The following FREM2 variants were observed in gnomAD, a reference collection of about 807,000 sequenced individuals.
FREM2 encodes the protein FRAS1-related extracellular matrix protein 2.
Under a neutral mutation model 219.9 loss-of-function variants are expected in FREM2, and 119 were observed. That is an observed-to-expected ratio of 0.54 (90% CI 0.47 to 0.63). FREM2 has a LOEUF of 0.63. Among genes scored for constraint, FREM2 ranks in the 30% least tolerant of loss-of-function variants. The probability of loss-of-function intolerance (pLI) is 0.00; values close to 1 mark genes in which losing one functional copy is unlikely to be tolerated. For synonymous variants in FREM2, 1,562 were observed against 1,522.8 expected, an observed-to-expected ratio of 1.03 and a Z score of -0.60; for missense variants, 4,030 against 3,993.6, an observed-to-expected ratio of 1.01 and a Z score of -0.25.
In FREM2 at chr13:38,688,395, C is replaced by T; in HGVS notation, c.1051C>T (p.Pro351Ser). The change falls in exon 1 of 24, where the codon CCC (proline) becomes TCC (serine). Residue 351 changes from proline (P) to serine (S), a missense_variant. This residue lies in a region of FREM2 where 3,102 missense variants were observed against 2,950.7 expected (regional missense o/e 1.05). Transcript: ENST00000280481. ...GCTGGCAGCCGAGGATGCTGAGTCTCCCTCTGACCTGTTGATCTTCAACCT... is the reference window on the plus strand; with the variant it reads ...GCTGGCAGCCGAGGATGCTGAGTCTTCCTCTGACCTGTTGATCTTCAACCT... ...DMLAAEDAESPSDLLIFNLTS... is the reference protein window; with the variant it reads ...DMLAAEDAESSSDLLIFNLTS... The T allele has an allele frequency of 8.7e-6, 14 of 1,613,958 alleles. No homozygotes were observed. The highest frequency in any genetic ancestry group is 1.2e-5 in the Non-Finnish European group (14 of 1,179,872).
chr13:38,821,107 A>G (rs994794689), intron 6 of FREM2, among the ~76,000 whole-genome samples: 2 of 152,096 alleles, frequency 1.3e-5, no homozygotes, highest in African/African-American at 4.8e-5. Flanking sequence ...TGGTGTCCCT[A>G]TGTTCTCTGT....
At chr13:38,696,445 ACTTACTAGAG>A (rs1385245296) in intron 1 of FREM2, among the ~76,000 whole-genome samples, 1 of 152,188 alleles carries the variant, frequency 6.6e-6, no homozygotes, top group Non-Finnish European at 1.5e-5. Flanking sequence ...CATAGCATGA[ACTTACTAGAG>A]CTTTTAGGAG....
chr13:38,795,979 CTTTCTTTCTTTCTTTCTTT>C lies in FREM2; in HGVS notation c.6019+11194_6019+11212del, dbSNP rs758379925. 7.6e-3 allele frequency among the ~76,000 whole-genome samples: 1,151 copies of C among 151,980 alleles called. 10 individuals are homozygous for C. Among genetic ancestry groups the C allele is most frequent in the Non-Finnish European group, 0.01 (708 of 67,926 alleles). On this transcript the variant is annotated intron_variant, in intron 6 of 23. Coordinates refer to ENST00000280481, the MANE Select transcript of FREM2 (RefSeq NM_207361.6). ...CCTTGTGTGTATACACGATAGTTTT[CTTTCTTTCTTTCTTTCTTT>C]TTTCTTTCTTTCTTTCTTTTTTTGT... is the stretch of plus-strand genomic sequence containing the variant.
At chr13:38,783,473 TAA>T (rs141521145) in intron 5 of FREM2, among the ~76,000 whole-genome samples, 7,150 of 123,994 alleles carry the variant, frequency 0.058, 284 homozygotes, top group African/African-American at 0.17. Flanking sequence ...GGTTACTATA[TAA>T]AAAAAAAAAA....
intron 2 of FREM2, among the ~76,000 whole-genome samples, chr13:38,714,763 A>C (rs1040171746): frequency 6.6e-6 from 1 of 152,118 alleles, no homozygotes; most frequent in African/African-American, 2.4e-5. Context: ...TGTAGTTTTT[A>C]GTTAAAAAAA....
intron 2 of FREM2, among the ~76,000 whole-genome samples, chr13:38,708,451 C>T (rs963300427): frequency 6.6e-6 from 1 of 152,024 alleles, no homozygotes; most frequent in Non-Finnish European, 1.5e-5. Context: ...GTCAGGGGTT[C>T]GAGACCAGCC....
chr13:38,738,612 A>T (rs563547225), intron 2 of FREM2, among the ~76,000 whole-genome samples: 48 of 151,322 alleles, frequency 3.2e-4, no homozygotes, highest in African/African-American at 1.0e-3. Flanking sequence ...AAAAAAAGGA[A>T]AGGGGATGAT....
intron 13 of FREM2, among the ~76,000 whole-genome samples, chr13:38,858,950 C>G (rs1242633415): frequency 1.5e-5 from 2 of 135,408 alleles, no homozygotes; most frequent in East Asian, 4.3e-4. Flanking sequence ...GAGTTCATGA[C>G]TTACTGGATA....
intron 22 of FREM2, among the ~76,000 whole-genome samples, 154 bp from the exon 23 acceptor site, chr13:38,878,677 A>G (rs1165952094): frequency 6.6e-6 from 1 of 152,148 alleles, no homozygotes; most frequent in East Asian, 1.9e-4. Flanking sequence ...TCTTAAAAAA[A>G]ATAGAAAAAC....
Position 38,818,723 on chromosome 13 carries a change from G to A in FREM2, c.6020-27850G>A, listed in dbSNP as rs187287627. 9.2e-5 allele frequency among the ~76,000 whole-genome samples: 14 copies of A among 152,142 alleles called. No homozygotes were observed. In the East Asian group the frequency reaches 2.7e-3, roughly 29 times the overall value. On this transcript the variant is annotated intron_variant, in intron 6 of 23. Transcript: ENST00000280481. ...CATGCCTGTAATCCCAGCACTTTGG[G>A]AGGTTGAGGCAGGTGGATCACCTGA... is the stretch of plus-strand genomic sequence containing the variant.
At chr13:38,855,250 T>TAG (rs1301744505) in intron 11 of FREM2, among the ~76,000 whole-genome samples, 1 of 152,128 alleles carries the variant, frequency 6.6e-6, no homozygotes, top group African/African-American at 2.4e-5. Flanking sequence ...TAAAATAACT[T>TAG]GTCTAAGTTT....
chr13:38,711,992 T>C (rs1255226549), intron 2 of FREM2, among the ~76,000 whole-genome samples: 2 of 146,940 alleles, frequency 1.4e-5, no homozygotes, highest in Non-Finnish European at 3.0e-5. Flanking sequence ...TGATCTCGGC[T>C]CACTGCAACC....
At chr13:38,781,738 G>A (rs1469551146) in intron 4 of FREM2, among the ~76,000 whole-genome samples, 6 of 152,104 alleles carry the variant, frequency 3.9e-5, no homozygotes, top group South Asian at 2.1e-4. Flanking sequence ...ATTGAATCAC[G>A]TGACTATTTT....
chr13:38,881,732 G>A lies in FREM2; in HGVS notation c.*945G>A, dbSNP rs1179144494. 6.6e-6 allele frequency: 1 copy of A among 152,578 alleles called. No homozygotes were observed. The highest frequency in any genetic ancestry group is 1.5e-5 in the Non-Finnish European group (1 of 68,016). The allele number at this position is 152,578 out of a possible 1,614,324, so 9.5% of individuals were successfully genotyped here. On this transcript the variant is annotated 3_prime_UTR_variant, in exon 24 of 24. Coordinates refer to ENST00000280481, the MANE Select transcript of FREM2 (RefSeq NM_207361.6). ...AACATTGTTACAGATGGTGAAGGGA[G>A]AAAGTGGTATTTATTAATATAATGT...
rs768299920 is a variant in FREM2, at chr13:38,689,015, T to C, written c.1671T>C (p.Asp557=). 1 of 1,613,990 alleles carries C rather than the reference T, an allele frequency of 6.2e-7. No individual in the cohort carries two copies. Among genetic ancestry groups the C allele is most frequent in the South Asian group, 1.1e-5 (1 of 91,068 alleles). Reference sequence around the variant, plus strand: ...TCCCCATCACCTTAGTGCCTGTGGATGACCAGCCACCTGTTCTCAATGCCA... The same window carrying C: ...TCCCCATCACCTTAGTGCCTGTGGACGACCAGCCACCTGTTCTCAATGCCA... ...FLFPITLVPV[D]DQPPVLNANT... Residue 557 remains aspartate (D), a synonymous_variant, in exon 1 of 24, where the codon GAT becomes GAC. Transcript: ENST00000280481.
rs139977083 is a variant in FREM2 at position 38,795,556 on chromosome 13, C to T, written c.6019+10748C>T. 1.8e-3 allele frequency among the ~76,000 whole-genome samples: 279 copies of T among 152,130 alleles called. 3 individuals carry two copies. The highest frequency in any genetic ancestry group is 6.5e-3 in the African/African-American group (268 of 41,506). ...TTCAGGATATTTGGAGGATATTCATCACCTTGAATATTTATCATTTCTATG... is the reference window on the plus strand; with the variant it reads ...TTCAGGATATTTGGAGGATATTCATTACCTTGAATATTTATCATTTCTATG... On this transcript the variant is annotated intron_variant, in intron 6 of 23. Transcript: ENST00000280481.
rs1878639684 is a variant in FREM2 at position 38,883,898 on chromosome 13, CAGTAACTT to C, written c.*3117_*3124del. On this transcript the variant is annotated 3_prime_UTR_variant, in exon 24 of 24. Coordinates refer to ENST00000280481, the MANE Select transcript of FREM2 (RefSeq NM_207361.6). ...CAGATTTATACAAAATGATTCAAAC[CAGTAACTT>C]AGTAAAATTGACCTTCGCAAAACCT... 1 of 152,166 alleles carries C rather than the reference CAGTAACTT, an allele frequency of 6.6e-6. No individual in the cohort carries two copies. The highest frequency in any genetic ancestry group is 1.5e-5 in the Non-Finnish European group (1 of 68,012). 9.4% of individuals were successfully genotyped at this position (152,166 alleles called of 1,614,324 possible).
intron 6 of FREM2, among the ~76,000 whole-genome samples, chr13:38,807,519 A>G (rs1457142758): frequency 6.6e-6 from 1 of 151,738 alleles, no homozygotes; most frequent in Non-Finnish European, 1.5e-5. Context: ...TTTTTAAATG[A>G]TAAGACTTCA....
intron 2 of FREM2, among the ~76,000 whole-genome samples, chr13:38,728,488 C>T (rs1871622129): frequency 6.6e-6 from 1 of 151,976 alleles, no homozygotes; most frequent in African/African-American, 2.4e-5. Flanking sequence ...TCGGTGCAGC[C>T]TCCACTTCCC....
Sources: allele counts gnomAD v4.1 joint callset (sites outside exome capture counted in the v4.1 genomes callset), GRCh38; gene constraint gnomAD v4.1.1; regional missense constraint gnomAD v4.1.1; transcripts MANE v1.5; gene names NCBI Gene and HGNC (gene_info 2026-07-23, HGNC 2026-07-21).